Variants in BNC2 observed in about 807,000 individuals in gnomAD.
BNC2 encodes the protein basonuclin zinc finger protein 2.
A neutral mutation model predicts 76.3 loss-of-function variants in BNC2; 20 were observed. The observed-to-expected ratio is 0.26, with a 90% confidence interval of 0.18 to 0.38. The LOEUF (loss-of-function observed/expected upper bound fraction) is 0.38. BNC2 is among the 10% of genes least tolerant of loss of function. The pLI is 1.00. For missense variants in BNC2, 1,382 were observed against 1,399.8 expected, an observed-to-expected ratio of 0.99 and a Z score of 0.20; for synonymous variants, 582 against 514.8, an observed-to-expected ratio of 1.13 and a Z score of -1.77.
Position 16,532,980 on chromosome 9 carries a change from C to G in BNC2, c.669+19550G>C, listed in dbSNP as rs554642746. ...TAGAAAGCTATTGTAATGCTACCAACACAACGCTAGCAATGTCTAAATAAT... is the reference window on the plus strand; with the variant it reads ...TAGAAAGCTATTGTAATGCTACCAAGACAACGCTAGCAATGTCTAAATAAT... On this transcript the variant is annotated intron_variant, in intron 5 of 6. Coordinates refer to ENST00000380672, the MANE Select transcript of BNC2 (RefSeq NM_017637.6). 1.4e-4 allele frequency among the ~76,000 whole-genome samples: 21 copies of G among 152,324 alleles called. 1 individual carries two copies. Among genetic ancestry groups the G allele is most frequent in the Admixed American group, 3.3e-4 (5 of 15,300 alleles).
At chr9:16,698,866 T>C (rs929801715) in intron 3 of BNC2, among the ~76,000 whole-genome samples, 11 of 152,360 alleles carry the variant, frequency 7.2e-5, no homozygotes, top group African/African-American at 2.6e-4. Flanking sequence ...TAAAAATACA[T>C]TAACAGTTCC....
intron 3 of BNC2, among the ~76,000 whole-genome samples, chr9:16,712,863 G>C (rs1014169095): frequency 6.6e-6 from 1 of 152,128 alleles, no homozygotes; most frequent in African/African-American, 2.4e-5. Flanking sequence ...ATAGCTTTAG[G>C]GTGACCTTTG....
At chr9:16,734,789 A>G (rs1443494409) in intron 2 of BNC2, among the ~76,000 whole-genome samples, 1 of 152,230 alleles carries the variant, frequency 6.6e-6, no homozygotes, top group Admixed American at 6.5e-5. Context: ...TGAAGACTTC[A>G]TTACATGCCC....
chr9:16,583,205 G>C (rs1013571732), intron 3 of BNC2, 120 bp from the exon 4 acceptor site: 2 of 815,908 alleles, frequency 2.5e-6, no homozygotes, highest in Non-Finnish European at 2.0e-6. Flanking sequence ...TAGGGGCCTG[G>C]AGAGTTTTAA....
intron 1 of BNC2, among the ~76,000 whole-genome samples, chr9:16,806,084 G>A (rs1187516346): frequency 6.6e-6 from 1 of 152,218 alleles, no homozygotes; most frequent in East Asian, 1.9e-4. Context: ...TGATTTAAAA[G>A]GGGAGAATAC....
chr9:16,484,285 C>G (rs1822116282), intron 5 of BNC2, among the ~76,000 whole-genome samples: 2 of 152,172 alleles, frequency 1.3e-5, no homozygotes, highest in Non-Finnish European at 2.9e-5. Context: ...CGAAATAAAG[C>G]TCCTTGTTTT....
chr9:16,663,920 T>A (rs1822188802), intron 3 of BNC2, among the ~76,000 whole-genome samples: 1 of 152,182 alleles, frequency 6.6e-6, no homozygotes. Context: ...AGTCTACCTA[T>A]AAAGTCTTGC....
At chr9:16,845,445 G>C (rs1818946086) in intron 1 of BNC2, among the ~76,000 whole-genome samples, 1 of 152,182 alleles carries the variant, frequency 6.6e-6, no homozygotes, top group South Asian at 2.1e-4. Flanking sequence ...AAATTGGCCG[G>C]GCGCGGTGGC....
At chr9:16,730,374 A>C (rs1824470170) in intron 2 of BNC2, among the ~76,000 whole-genome samples, 1 of 152,180 alleles carries the variant, frequency 6.6e-6, no homozygotes, top group Admixed American at 6.5e-5. Flanking sequence ...AAGCAAGCCC[A>C]AGCAAGGTGG....
intron 1 of BNC2, among the ~76,000 whole-genome samples, chr9:16,827,775 C>G (rs747229397): frequency 6.6e-6 from 1 of 152,014 alleles, no homozygotes; most frequent in Non-Finnish European, 1.5e-5. Flanking sequence ...CTACATTTTT[C>G]AAGACTGAAT....
At chr9:16,773,131 A>G (rs1391577129) in intron 1 of BNC2, among the ~76,000 whole-genome samples, 1 of 152,114 alleles carries the variant, frequency 6.6e-6, no homozygotes, top group Non-Finnish European at 1.5e-5. Flanking sequence ...TCTTTTTACT[A>G]TCAAGGGACA....
chr9:16,725,227 AC>A (rs1824277038), intron 3 of BNC2, among the ~76,000 whole-genome samples: 2 of 151,758 alleles, frequency 1.3e-5, no homozygotes, highest in African/African-American at 4.8e-5. Context: ...TCACACACAC[AC>A]ACACACACAC....
chr9:16,638,260 C>T (rs1821386133), intron 3 of BNC2, among the ~76,000 whole-genome samples: 1 of 152,090 alleles, frequency 6.6e-6, no homozygotes, highest in African/African-American at 2.4e-5. Flanking sequence ...AAACCAAGTG[C>T]ATAGACATAA....
intron 4 of BNC2, among the ~76,000 whole-genome samples, chr9:16,557,974 G>A (rs376460415): frequency 6.6e-6 from 1 of 151,866 alleles, no homozygotes; most frequent in African/African-American, 2.4e-5. Context: ...CTCCCAAGCA[G>A]CTAGGACTAG....
intron 3 of BNC2, among the ~76,000 whole-genome samples, chr9:16,711,479 A>C (rs572229465): frequency 6.6e-6 from 1 of 152,366 alleles, no homozygotes; most frequent in Non-Finnish European, 1.5e-5. Context: ...AACAGCATGA[A>C]GTGATTATTG....
At chr9:16,870,406 C>A (rs1819651595) in intron 1 of BNC2, among the ~76,000 whole-genome samples, 1 of 152,094 alleles carries the variant, frequency 6.6e-6, no homozygotes, top group South Asian at 2.1e-4. Context: ...TGCACCCTCC[C>A]ACCTAGAGCT....
intron 3 of BNC2, among the ~76,000 whole-genome samples, chr9:16,699,826 C>A (rs1282486194): frequency 1.3e-5 from 2 of 152,194 alleles, no homozygotes; most frequent in African/African-American, 4.8e-5. Context: ...ACTCTTCTCA[C>A]TATATTCATG....
At chr9:16,786,578 C>A (rs939181232) in intron 1 of BNC2, among the ~76,000 whole-genome samples, 2 of 152,062 alleles carry the variant, frequency 1.3e-5, no homozygotes, top group Non-Finnish European at 2.9e-5. Flanking sequence ...AAATGTAAAC[C>A]CTTTTCTGTC....
Position 16,414,983 on chromosome 9 carries a change from T to A in BNC2, c.*4006A>T, listed in dbSNP as rs1820554694. On this transcript the variant is annotated 3_prime_UTR_variant, in exon 7 of 7. Transcript: ENST00000380672. ...TGGGGCTGTTAACCAGTTAAGTGCC[T>A]TTCTCCTCTTACTGGAAGGGCCTGA... The A allele has an allele frequency of 6.6e-6, 1 of 151,736 alleles. No homozygotes were observed. Among genetic ancestry groups the A allele is most frequent in the Non-Finnish European group, 1.5e-5 (1 of 67,944 alleles). The allele number at this position is 151,736 out of a possible 1,614,324, so 9.4% of individuals were successfully genotyped here. A position where few individuals can be genotyped will look rare whatever the true frequency, so the allele number is the denominator to read the frequency against.
Sources: gnomAD v4.1 joint callset for allele counts (sites outside exome capture counted in the v4.1 genomes callset) on GRCh38, gnomAD v4.1.1 for gene constraint, MANE v1.5 for transcripts, NCBI Gene and HGNC (gene_info 2026-07-23, HGNC 2026-07-21) for gene names.